Variants in CENPN observed in about 807,000 individuals in gnomAD.
CENPN encodes the protein centromere protein N, also known as interphase centromere complex protein 32.
Under a neutral mutation model 48.6 loss-of-function variants are expected in CENPN, and 36 were observed. The observed-to-expected ratio is 0.74, with a 90% CI of 0.57 to 0.98. The LOEUF (loss-of-function observed/expected upper bound fraction) is 0.98, where lower values mean the gene tolerates loss of function less well. CENPN is among the 50% of genes least tolerant of loss of function. The pLI, the probability that CENPN is intolerant of heterozygous loss-of-function variation, is 0.00. For missense variants in CENPN, 439 were observed against 399.2 expected, an observed-to-expected ratio of 1.10 and a Z score of -0.85; for synonymous variants, 166 against 135.2, an observed-to-expected ratio of 1.23 and a Z score of -1.58.
intron 1 of CENPN, among the ~76,000 whole-genome samples, chr16:81,009,179 T>G (rs961529282): frequency 6.6e-6 from 1 of 152,110 alleles, no homozygotes; most frequent in Non-Finnish European, 1.5e-5. Context: ...ATCCCACTAC[T>G]ACACTCTAAT....
chr16:81,024,751 G>A lies in CENPN; in HGVS notation c.670G>A (p.Glu224Lys), dbSNP rs1970385150. Residue 224 changes from glutamate to lysine, a missense_variant, in exon 8 of 11, where the codon GAA (glutamate) becomes AAA (lysine). Transcript: ENST00000305850. ...ETHNSTTPLQ[E>K]RSLGLDINMD... The stretch of plus-strand genomic sequence containing the variant: ...TCACAACTCTACGACACCTCTACAG[G>A]AAAGAAGCCTTGGACTAGATATAAA... 1 of 1,610,696 alleles carries A rather than the reference G, an allele frequency of 6.2e-7. No homozygotes were observed. Among genetic ancestry groups the A allele is most frequent in the Non-Finnish European group, 8.5e-7 (1 of 1,178,150 alleles).
chr16:81,028,089 C>T (rs971080388), intron 9 of CENPN, 82 bp from the exon 10 acceptor site: 44 of 1,097,668 alleles, frequency 4.0e-5, no homozygotes, highest in African/African-American at 6.2e-5. Flanking sequence ...ATTAATGAAA[C>T]GTATCATTAT....
intron 9 of CENPN, among the ~76,000 whole-genome samples, chr16:81,027,255 C>T (rs1323668752): frequency 6.6e-6 from 1 of 152,086 alleles, no homozygotes; most frequent in Non-Finnish European, 1.5e-5. Context: ...CTTTGGGAGG[C>T]TGAGGCGGGC....
chr16:81,027,892 A>G (rs1970580954), intron 9 of CENPN, among the ~76,000 whole-genome samples: 1 of 152,106 alleles, frequency 6.6e-6, no homozygotes, highest in South Asian at 2.1e-4. Flanking sequence ...TTTAGTTAAG[A>G]CGGGGTTTCA....
chr16:81,026,692 A>G (rs1167214090), intron 9 of CENPN, 54 bp downstream of exon 9: 2 of 856,320 alleles, frequency 2.3e-6, no homozygotes, highest in African/African-American at 3.4e-5. Flanking sequence ...TTTAAAAAGA[A>G]CAAAAACCTT....
chr16:81,023,389 A>C (rs1379220350), intron 7 of CENPN: 2 of 156,758 alleles, frequency 1.3e-5, no homozygotes, highest in East Asian at 3.8e-4. Context: ...AAAAACTAAC[A>C]TTAAGAAGTT....
chr16:81,021,803 G>A (rs1970219993), intron 6 of CENPN, among the ~76,000 whole-genome samples: 1 of 151,272 alleles, frequency 6.6e-6, no homozygotes, highest in African/African-American at 2.4e-5. Flanking sequence ...CACCCAGGGT[G>A]GGGTGCAGTG....
intron 2 of CENPN, 96 bp from the exon 3 acceptor site, chr16:81,014,040 C>G: frequency 2.2e-6 from 2 of 908,870 alleles, no homozygotes; most frequent in East Asian, 2.5e-5. Context: ...TGAGAATGTG[C>G]TAATAGTCTG....
Position 81,029,215 on chromosome 16 carries a change from A to G in CENPN, c.*564A>G. The G allele has an allele frequency of 1.1e-6, 1 of 930,402 alleles. No individual in the cohort carries two copies. Among genetic ancestry groups the G allele is most frequent in the East Asian group, 1.2e-4 (1 of 8,530 alleles). The allele number at this position is 930,402 out of a possible 1,614,324, so 57.6% of individuals were successfully genotyped here. ...GTCAGTTATATAAAATAGTGTTCTT[A>G]TTGTAAATATGATACTTCTCATAAT... On this transcript the variant is annotated 3_prime_UTR_variant, in exon 11 of 11. Coordinates refer to ENST00000305850, the MANE Select transcript of CENPN (RefSeq NM_001100624.3).
At position 81,028,567 on chromosome 16, in the gene CENPN, A is replaced by G; in HGVS notation, c.938-2A>G. ...TTCCCTTTTTTTTTTTTTTAATTTC[A>G]GGTATTGCAGATGCTCCACTTTCTC... On this transcript the variant is annotated splice_acceptor_variant, in intron 10 of 10. Coordinates refer to ENST00000305850, the MANE Select transcript of CENPN (RefSeq NM_001100624.3). LOFTEE classifies it high-confidence loss of function. The G allele has an allele frequency of 6.3e-7, 1 of 1,583,838 alleles. No individual in the cohort carries two copies. Among genetic ancestry groups the G allele is most frequent in the Non-Finnish European group, 8.6e-7 (1 of 1,164,086 alleles).
chr16:81,007,422 C>G (rs1423603652), intron 1 of CENPN, 145 bp downstream of exon 1: 1 of 152,116 alleles, frequency 6.6e-6, no homozygotes, highest in African/African-American at 2.4e-5. Context: ...GGGCTCGGGG[C>G]GAGGAACTAC....
chr16:81,012,045 C>G lies in CENPN; in HGVS notation c.106C>G (p.Leu36Val). Residue 36 changes from leucine to valine, a missense_variant, in exon 2 of 11, where the codon CTG (leucine) becomes GTG (valine). Transcript: ENST00000305850. ...KAWDFLSENQ[L>V]QTVNFRQRKE... is the part of the protein sequence containing the mutation. ...CTGGGATTTTTTGTCTGAAAATCAA[C>G]TGCAGACTGTAAATTTCCGACAGAG... The G allele has an allele frequency of 6.2e-7, 1 of 1,614,118 alleles. No individual in the cohort carries two copies. The highest frequency in any genetic ancestry group is 8.5e-7 in the Non-Finnish European group (1 of 1,179,964).
intron 2 of CENPN, 47 bp from the exon 3 acceptor site, chr16:81,014,089 A>T (rs1394855868): frequency 6.5e-7 from 1 of 1,540,632 alleles, no homozygotes; most frequent in Non-Finnish European, 9.0e-7. Context: ...ACGGGATAGA[A>T]CCAAACCTAT....
At chr16:81,013,999 A>C in intron 2 of CENPN, 137 bp from the exon 3 acceptor site, 5 of 564,858 alleles carry the variant, frequency 8.9e-6, no homozygotes, top group Non-Finnish European at 1.6e-5. Context: ...TAACAGGAGA[A>C]GAGATTGGAG....
rs915263977 is a variant in CENPN at position 81,015,753 on chromosome 16, C to A, written c.217+1572C>A. Among the ~76,000 whole-genome samples the A allele has an allele frequency of 5.9e-5, 9 of 152,308 alleles. No homozygotes were observed. In the East Asian group the frequency reaches 1.7e-3, roughly 29 times the overall value. On this transcript the variant is annotated intron_variant, in intron 3 of 10. Transcript: ENST00000305850. ...GGACGCAGTGGCTCACACCTGTAAT[C>A]CCAGCACTTTGGGAGACCAAGGCAG...
intron 6 of CENPN, 58 bp from the exon 7 acceptor site, chr16:81,022,539 G>A: frequency 7.1e-7 from 1 of 1,404,132 alleles, no homozygotes; most frequent in Non-Finnish European, 1.0e-6. Flanking sequence ...ACTTTGACAA[G>A]TATTATAAAC....
chr16:81,028,506 A>C, intron 10 of CENPN, 63 bp from the exon 11 acceptor site: 3 of 1,585,752 alleles, frequency 1.9e-6, no homozygotes, highest in Non-Finnish European at 2.6e-6. Flanking sequence ...AAACTGACTC[A>C]AATCCATCCT....
rs1391014130 is a variant in CENPN at position 81,017,698 on chromosome 16, T to C, written c.278-60T>C. 4 of 1,153,864 alleles carry C rather than the reference T, an allele frequency of 3.5e-6. No homozygotes were observed. In the East Asian group the frequency reaches 9.4e-5, roughly 27 times the overall value. The allele number at this position is 1,153,864 out of a possible 1,614,324, so 71.5% of individuals were successfully genotyped here. Reference sequence around the variant, plus strand: ...TTAGTTTCATGGTACTTTACGAATGTATTTACTGAAGACATTGTAGCTCCC... The same window carrying C: ...TTAGTTTCATGGTACTTTACGAATGCATTTACTGAAGACATTGTAGCTCCC... On this transcript the variant is annotated intron_variant, in intron 4 of 10. Coordinates refer to ENST00000305850, the MANE Select transcript of CENPN (RefSeq NM_001100624.3).
intron 6 of CENPN, 78 bp from the exon 7 acceptor site, chr16:81,022,519 C>A (rs942030310): frequency 3.2e-5 from 39 of 1,233,076 alleles, no homozygotes; most frequent in Non-Finnish European, 4.5e-5. Flanking sequence ...AATTGCAGCT[C>A]TTACATTTTA....
Sources: allele counts gnomAD v4.1 joint callset (sites outside exome capture counted in the v4.1 genomes callset), GRCh38; gene constraint gnomAD v4.1.1; transcripts MANE v1.5; gene names NCBI Gene and HGNC (gene_info 2026-07-23, HGNC 2026-07-21).